Variants in FGGY observed in about 807,000 individuals in gnomAD.
FGGY encodes FGGY carbohydrate kinase domain containing, also known as FGGY carbohydrate kinase domain-containing protein.
In FGGY, 72 loss-of-function variants were observed where a neutral mutation model predicts 71.3. The observed-to-expected ratio is 1.01, with a 90% confidence interval of 0.84 to 1.23. FGGY has a LOEUF of 1.23. Among genes scored for constraint, FGGY ranks in the 50% most tolerant of loss-of-function variants. The pLI is 0.00. For missense variants in FGGY, 668 were observed against 682.3 expected, an observed-to-expected ratio of 0.98 and a Z score of 0.23; for synonymous variants, 251 against 250.3, an observed-to-expected ratio of 1.00 and a Z score of -0.02.
At chr1:59,620,934 C>A (rs1191598468) in intron 9 of FGGY, among the ~76,000 whole-genome samples, 1 of 152,042 alleles carries the variant, frequency 6.6e-6, no homozygotes, top group Non-Finnish European at 1.5e-5. Context: ...ACTACCATAA[C>A]AAAATACCAC....
intron 7 of FGGY, among the ~76,000 whole-genome samples, chr1:59,520,053 G>A (rs1004987383): frequency 7.9e-5 from 12 of 152,156 alleles, no homozygotes; most frequent in Admixed American, 2.0e-4. Flanking sequence ...CAATGCCCAG[G>A]CCAACCCCCT....
At position 59,517,254 on chromosome 1, in the gene FGGY, C is replaced by CTT. The variant is rs57951011; in HGVS notation, c.799+4843_799+4844dup. 1.9e-3 allele frequency among the ~76,000 whole-genome samples: 163 copies of CTT among 87,660 alleles called. 20 individuals carry two copies. The highest frequency in any genetic ancestry group is 2.2e-3 in the Non-Finnish European group (109 of 48,780). The allele number at this position is 87,660 out of a possible 152,430, so 57.5% of individuals were successfully genotyped here. On this transcript the variant is annotated intron_variant, in intron 7 of 15. Coordinates refer to ENST00000303721, the MANE Select transcript of FGGY (RefSeq NM_018291.5). ...TCAGGCCCTTCTCTTCTCAGTTGCT[C>CTT]TTTTTTTTTTTTTTTTTTTTTTTTT...
intron 8 of FGGY, among the ~76,000 whole-genome samples, chr1:59,568,128 T>G (rs144363457): frequency 1.3e-3 from 192 of 152,252 alleles, no homozygotes; most frequent in African/African-American, 4.4e-3. Context: ...TACTAATATC[T>G]CTACAGTAAA....
intron 8 of FGGY, among the ~76,000 whole-genome samples, chr1:59,606,137 A>AAAT (rs1041814104): frequency 6.6e-6 from 1 of 151,998 alleles, no homozygotes; most frequent in Non-Finnish European, 1.5e-5. Context: ...GTCTGTTAAA[A>AAAT]AATAATAATA....
At chr1:59,613,630 C>T (rs1194618053) in intron 9 of FGGY, among the ~76,000 whole-genome samples, 2 of 151,942 alleles carry the variant, frequency 1.3e-5, no homozygotes, top group Non-Finnish European at 2.9e-5. Flanking sequence ...TAGCAGAAGG[C>T]AAGAAATAAC....
intron 2 of FGGY, 57 bp downstream of exon 2, chr1:59,321,807 G>A (rs890019703): frequency 2.6e-5 from 40 of 1,524,278 alleles, no homozygotes; most frequent in African/African-American, 9.6e-5. Context: ...TGAGTGTCGT[G>A]TGTCAATCTG....
chr1:59,733,776 A>T (rs771429365), intron 14 of FGGY, among the ~76,000 whole-genome samples: 1 of 152,214 alleles, frequency 6.6e-6, no homozygotes, highest in African/African-American at 2.4e-5. Context: ...AGCCGTAAGG[A>T]CAAACCCTCA....
Position 59,607,814 on chromosome 1 carries a change from C to A in FGGY, c.915C>A (p.Asp305Glu). The change falls in exon 9 of 16, where the codon GAC becomes GAA. Residue 305 changes from aspartate to glutamate, a missense_variant. Transcript: ENST00000303721. ...TSSCHMGISKDPIFVPGVWGP... is the reference protein window; with the variant it reads ...TSSCHMGISKEPIFVPGVWGP... ...ATCTTTCTTTCCAGATCAGCAAAGA[C>A]CCGATTTTTGTACCAGGCGTCTGGG... 1 of 1,613,858 alleles carries A rather than the reference C, an allele frequency of 6.2e-7. No individual in the cohort carries two copies. Among genetic ancestry groups the A allele is most frequent in the South Asian group, 1.1e-5 (1 of 91,028 alleles).
intron 5 of FGGY, among the ~76,000 whole-genome samples, chr1:59,389,496 T>C (rs2060457565): frequency 1.3e-5 from 2 of 152,236 alleles, no homozygotes; most frequent in African/African-American, 4.8e-5. Flanking sequence ...TTGGTGGACA[T>C]TTGCATCGTT....
intron 7 of FGGY, among the ~76,000 whole-genome samples, chr1:59,543,019 C>G (rs1202072643): frequency 6.6e-6 from 1 of 152,164 alleles, no homozygotes; most frequent in Admixed American, 6.5e-5. Flanking sequence ...AGAGCTAAAT[C>G]TTGTCCTCAG....
Position 59,381,628 on chromosome 1 carries a change from C to CGTGTGTGT in FGGY, c.554+2826_554+2833dup, listed in dbSNP as rs113981398. On this transcript the variant is annotated intron_variant, in intron 5 of 15. Coordinates refer to ENST00000303721, the MANE Select transcript of FGGY (RefSeq NM_018291.5). Reference sequence around the variant, plus strand: ...GAATGTCATTGTGTGATGTATAACTCGTGTGTGTGTGTGTGTGTGTGTGTG... The same window carrying CGTGTGTGT: ...GAATGTCATTGTGTGATGTATAACTCGTGTGTGTGTGTGTGTGTGTGTGTGTGTGTGTG... 2.0e-3 allele frequency among the ~76,000 whole-genome samples: 290 copies of CGTGTGTGT among 143,304 alleles called. 2 individuals carry two copies. Among genetic ancestry groups the CGTGTGTGT allele is most frequent in the African/African-American group, 5.5e-3 (213 of 38,496 alleles). The allele number at this position is 143,304 out of a possible 152,430, so 94.0% of individuals were successfully genotyped here.
At chr1:59,688,252 A>C (rs2097561164) in intron 14 of FGGY, among the ~76,000 whole-genome samples, 1 of 152,206 alleles carries the variant, frequency 6.6e-6, no homozygotes, top group Admixed American at 6.5e-5. Context: ...AAGTAACTAT[A>C]ATAGATATGT....
chr1:59,586,258 G>C (rs2096284356), intron 8 of FGGY, among the ~76,000 whole-genome samples: 1 of 152,138 alleles, frequency 6.6e-6, no homozygotes, highest in Admixed American at 6.6e-5. Flanking sequence ...TTGGAACCAA[G>C]CCAGATATCC....
intron 14 of FGGY, among the ~76,000 whole-genome samples, chr1:59,743,940 C>T (rs115989333): frequency 0.011 from 1,734 of 152,286 alleles, 32 homozygotes; most frequent in African/African-American, 0.039. Context: ...CACTCCCCTG[C>T]CCAGGCAGCA....
intron 5 of FGGY, among the ~76,000 whole-genome samples, chr1:59,421,874 G>T (rs2065497027): frequency 6.6e-6 from 1 of 152,162 alleles, no homozygotes; most frequent in Non-Finnish European, 1.5e-5. Flanking sequence ...TGATGAGAAT[G>T]TGAAGGATTT....
At chr1:59,472,202 C>G (rs557217159) in intron 6 of FGGY, among the ~76,000 whole-genome samples, 3 of 152,136 alleles carry the variant, frequency 2.0e-5, no homozygotes, top group African/African-American at 7.2e-5. Context: ...GGTGTGGGCT[C>G]GGCGGACCCC....
chr1:59,328,241 C>T (rs1476848818), intron 2 of FGGY, among the ~76,000 whole-genome samples: 1 of 152,178 alleles, frequency 6.6e-6, no homozygotes, highest in East Asian at 1.9e-4. Context: ...AGTGTAGACA[C>T]CTTCATTGAT....
chr1:59,321,356 C>A (rs1229854696), intron 1 of FGGY, among the ~76,000 whole-genome samples, 180 bp from the exon 2 acceptor site: 1 of 152,198 alleles, frequency 6.6e-6, no homozygotes. Flanking sequence ...GTTCACCCAC[C>A]ATGTAGCTCA....
At chr1:59,704,210 CGACCCAGCCCTGGGGCTGGGTCAGA>C (rs951970514) in intron 14 of FGGY, among the ~76,000 whole-genome samples, 3 of 152,040 alleles carry the variant, frequency 2.0e-5, no homozygotes, top group Non-Finnish European at 4.4e-5. Context: ...AGCAGAAGAG[CGACCCAGCCCTGGGGCTGGGTCAGA>C]GGATTTCTCA....
Sources: allele counts gnomAD v4.1 joint callset (sites outside exome capture counted in the v4.1 genomes callset), GRCh38; gene constraint gnomAD v4.1.1; transcripts MANE v1.5; gene names NCBI Gene and HGNC (gene_info 2026-07-23, HGNC 2026-07-21).